Variants in MYL12B observed in about 807,000 individuals in gnomAD.
The protein encoded by MYL12B is myosin regulatory light chain 12B.
Under a neutral mutation model 12.9 loss-of-function variants are expected in MYL12B, and 3 were observed. That is an observed-to-expected ratio of 0.23 (90% CI 0.11 to 0.60). The LOEUF (loss-of-function observed/expected upper bound fraction) is 0.60, where lower values mean the gene tolerates loss of function less well. MYL12B is among the 20% of genes least tolerant of loss of function. The pLI is 0.89. For missense variants in MYL12B, 120 were observed against 215.4 expected (o/e 0.56, Z 2.77); for synonymous variants, 57 against 71.9 (o/e 0.79, Z 1.05).
intron 2 of MYL12B, among the ~76,000 whole-genome samples, chr18:3,273,832 G>C (rs2081703767): frequency 7.5e-6 from 1 of 133,184 alleles, no homozygotes; most frequent in Non-Finnish European, 1.6e-5. Flanking sequence ...TGGCCAAAAA[G>C]GCAAAGAAAG....
intron 1 of MYL12B, chr18:3,262,981 AGAGG>A (rs2081606284): frequency 6.6e-6 from 1 of 152,270 alleles, no homozygotes; most frequent in Non-Finnish European, 1.5e-5. Flanking sequence ...TTCAACCTTA[AGAGG>A]GAGAACTTAG....
At chr18:3,272,587 C>T (rs1284238621) in intron 1 of MYL12B, among the ~76,000 whole-genome samples, 1 of 152,168 alleles carries the variant, frequency 6.6e-6, no homozygotes, top group African/African-American at 2.4e-5. Flanking sequence ...AAGTCTCGAA[C>T]TCCTAGTCTC....
Position 3,276,201 on chromosome 18 carries a change from C to A in MYL12B, c.185-1052C>A, listed in dbSNP as rs377252063. On this transcript the variant is annotated intron_variant, in intron 2 of 3. Coordinates refer to ENST00000237500, the MANE Select transcript of MYL12B (RefSeq NM_033546.4). ...TTTTTAAAAAAAGAAGTAAATTCTA[C>A]ATAAGGCAGCACTGAACGAAGGATC... is the stretch of plus-strand genomic sequence containing the variant. 4.0e-3 allele frequency among the ~76,000 whole-genome samples: 609 copies of A among 151,116 alleles called. 4 individuals carry two copies. Among genetic ancestry groups the A allele is most frequent in the African/African-American group, 0.014 (575 of 41,242 alleles).
intron 2 of MYL12B, among the ~76,000 whole-genome samples, chr18:3,274,373 A>G (rs894994205): frequency 1.3e-5 from 2 of 152,240 alleles, no homozygotes; most frequent in Admixed American, 1.3e-4. Flanking sequence ...GCAGAAACCC[A>G]TCCTTTTAAA....
chr18:3,273,211 G>A (rs2144362069), intron 2 of MYL12B, 129 bp downstream of exon 2: 1 of 1,060,102 alleles, frequency 9.4e-7, no homozygotes, highest in South Asian at 2.3e-5. Flanking sequence ...ATTTCTGGGT[G>A]TGGGAGGTGC....
intron 1 of MYL12B, among the ~76,000 whole-genome samples, chr18:3,269,032 A>G (rs1213473372): frequency 6.6e-6 from 1 of 152,198 alleles, no homozygotes; most frequent in East Asian, 1.9e-4. Flanking sequence ...GAACAAAGAT[A>G]TACAAGATAA....
At chr18:3,266,407 T>TTCACACTATCTTATTG (rs1555635649) in intron 1 of MYL12B, among the ~76,000 whole-genome samples, 1 of 150,612 alleles carries the variant, frequency 6.6e-6, no homozygotes, top group Non-Finnish European at 1.5e-5. Flanking sequence ...ACACCCTCAT[T>TTCACACTATCTTATTG]TCACAATATC....
intron 2 of MYL12B, 144 bp downstream of exon 2, chr18:3,273,226 T>C (rs929569238): frequency 2.2e-6 from 2 of 924,816 alleles, no homozygotes; most frequent in Non-Finnish European, 3.0e-6. Flanking sequence ...AGGTGCTATT[T>C]TGGGGCTTGG....
At chr18:3,277,679 T>A in intron 3 of MYL12B, 86 bp from the exon 4 acceptor site, 1 of 1,453,034 alleles carries the variant, frequency 6.9e-7, no homozygotes, top group Non-Finnish European at 9.2e-7. Flanking sequence ...TCTGAAATAT[T>A]TTATACGATT....
intron 2 of MYL12B, among the ~76,000 whole-genome samples, chr18:3,275,208 A>G (rs186633684): frequency 5.3e-5 from 8 of 152,336 alleles, no homozygotes; most frequent in Non-Finnish European, 8.8e-5. Context: ...GAAATAAGCC[A>G]GGCACAGAAA....
chr18:3,271,945 C>A, intron 1 of MYL12B: 1 of 471,064 alleles, frequency 2.1e-6, no homozygotes, highest in Non-Finnish European at 2.8e-6. Flanking sequence ...TGGCTCATGT[C>A]TGTAATCCCA....
chr18:3,277,858 C>T lies in MYL12B; in HGVS notation c.440C>T (p.Pro147Leu), dbSNP rs762850695. The T allele has an allele frequency of 1.2e-6, 2 of 1,613,924 alleles. No individual in the cohort carries two copies. The highest frequency in any genetic ancestry group is 4.5e-5 in the East Asian group (2 of 44,862). The change falls in exon 4 of 4, where the codon CCT becomes CTT. Residue 147 changes from proline (P) to leucine (L), a missense_variant. Coordinates refer to ENST00000237500, the MANE Select transcript of MYL12B (RefSeq NM_033546.4). ...GTGGATGAGCTGTACAGAGAAGCACCTATTGACAAAAAGGGGAATTTCAAT... is the reference window on the plus strand; with the variant it reads ...GTGGATGAGCTGTACAGAGAAGCACTTATTGACAAAAAGGGGAATTTCAAT... Reference protein sequence around the residue: ...EEVDELYREAPIDKKGNFNYI... With the variant: ...EEVDELYREALIDKKGNFNYI...
In MYL12B at chr18:3,272,539, C is replaced by T. The variant is rs573414591; in HGVS notation, c.-15-345C>T. 3.4e-3 allele frequency among the ~76,000 whole-genome samples: 510 copies of T among 152,236 alleles called. 3 individuals carry two copies. Among genetic ancestry groups the T allele is most frequent in the African/African-American group, 0.011 (473 of 41,550 alleles). The stretch of plus-strand genomic sequence containing the variant: ...TCAATAATTTCTATTGTGTTTCTTT[C>T]TTTTTTAGAGATGGGAGTCTCACTA... On this transcript the variant is annotated intron_variant, in intron 1 of 3. Coordinates refer to ENST00000237500, the MANE Select transcript of MYL12B (RefSeq NM_033546.4).
intron 2 of MYL12B, among the ~76,000 whole-genome samples, chr18:3,273,958 TG>T (rs1008566629): frequency 4.6e-5 from 7 of 152,080 alleles, no homozygotes; most frequent in African/African-American, 1.7e-4. Context: ...AAAGTTTAGG[TG>T]TGTACTTATT....
intron 1 of MYL12B, among the ~76,000 whole-genome samples, chr18:3,265,615 A>G (rs961977989): frequency 2.0e-5 from 3 of 152,218 alleles, no homozygotes; most frequent in Admixed American, 1.3e-4. Flanking sequence ...TGAGTTATTT[A>G]TCATCCTTTG....
intron 2 of MYL12B, 61 bp downstream of exon 2, chr18:3,273,143 CT>C: frequency 7.2e-5 from 106 of 1,462,336 alleles, no homozygotes; most frequent in South Asian, 2.0e-4. Context: ...CTTTATGAAT[CT>C]TTTTTTTGTG....
At chr18:3,275,676 G>A (rs1004312593) in intron 2 of MYL12B, among the ~76,000 whole-genome samples, 5 of 152,140 alleles carry the variant, frequency 3.3e-5, no homozygotes, top group Non-Finnish European at 7.4e-5. Context: ...GATGTCTTGA[G>A]CGGGTCCATA....
chr18:3,267,255 G>A (rs902695977), intron 1 of MYL12B, among the ~76,000 whole-genome samples: 2 of 152,182 alleles, frequency 1.3e-5, no homozygotes, highest in African/African-American at 4.8e-5. Context: ...TTTAAGAGCC[G>A]TATTTACTTG....
intron 2 of MYL12B, among the ~76,000 whole-genome samples, chr18:3,273,861 T>TTTTTTTC (rs57723482): frequency 1.4e-5 from 2 of 142,946 alleles, no homozygotes; most frequent in East Asian, 4.0e-4. Context: ...GTTTTTTTTT[T>TTTTTTTC]CTCTCTTTTA....
Sources: gnomAD v4.1 joint callset for allele counts (sites outside exome capture counted in the v4.1 genomes callset) on GRCh38, gnomAD v4.1.1 for gene constraint, MANE v1.5 for transcripts, NCBI Gene and HGNC (gene_info 2026-07-23, HGNC 2026-07-21) for gene names.